The following SSH1 variants were observed in gnomAD, a reference collection of about 807,000 sequenced individuals.
SSH1 encodes slingshot protein phosphatase 1, also known as protein phosphatase Slingshot homolog 1.
Under a neutral mutation model 79.7 loss-of-function variants are expected in SSH1, and 43 were observed. That is an observed-to-expected ratio of 0.54 (90% confidence interval 0.42 to 0.70). The LOEUF (loss-of-function observed/expected upper bound fraction) is 0.70, where lower values mean the gene tolerates loss of function less well. SSH1 is among the 30% of genes least tolerant of loss of function. The pLI, the probability that SSH1 is intolerant of heterozygous loss-of-function variation, is 0.00. For missense variants in SSH1, 1,206 were observed against 1,358.8 expected (o/e 0.89, Z 1.77); for synonymous variants, 599 against 538.3 (o/e 1.11, Z -1.56).
At position 108,782,977 on chromosome 12, in the gene SSH1, T is replaced by G. The variant is rs2036171412; in HGVS notation, c.*5011A>C. On this transcript the variant is annotated 3_prime_UTR_variant, in exon 15 of 15. Coordinates refer to ENST00000326495, the MANE Select transcript of SSH1 (RefSeq NM_018984.4). The stretch of plus-strand genomic sequence containing the variant: ...ATTGGGGAAGGGACAGGGATTGGTC[T>G]GTACCTACATTTTGTTGCAAAAGAG... 6.6e-6 allele frequency: 1 copy of G among 152,222 alleles called. No homozygotes were observed. Among genetic ancestry groups the G allele is most frequent in the Non-Finnish European group, 1.5e-5 (1 of 68,046 alleles). The allele number at this position is 152,222 out of a possible 1,614,324, so 9.4% of individuals were successfully genotyped here. A position where few individuals can be genotyped will look rare whatever the true frequency, so the allele number is the denominator to read the frequency against.
In SSH1 at chr12:108,820,113, A is replaced by T. The variant is rs181039547; in HGVS notation, c.215-1800T>A. Among the ~76,000 whole-genome samples the T allele has an allele frequency of 2.2e-4, 34 of 152,148 alleles. No homozygotes were observed. In the East Asian group the frequency reaches 5.0e-3, roughly 23 times the overall value. ...GGCTGGTCTCGAACTCCTGGACTCA[A>T]ATGATCCTCTCACCTCAGCCTCCCA... On this transcript the variant is annotated intron_variant, in intron 3 of 14. Coordinates refer to ENST00000326495, the MANE Select transcript of SSH1 (RefSeq NM_018984.4).
rs950107551 is a variant in SSH1, at chr12:108,778,357, C to T, written c.*9631G>A. The T allele has an allele frequency of 6.6e-6, 1 of 152,166 alleles. No homozygotes were observed. The highest frequency in any genetic ancestry group is 3.2e-3 in the Middle Eastern group (1 of 316). The allele number at this position is 152,166 out of a possible 1,614,324, so 9.4% of individuals were successfully genotyped here. A position where few individuals can be genotyped will look rare whatever the true frequency, so the allele number is the denominator to read the frequency against. On this transcript the variant is annotated 3_prime_UTR_variant, in exon 15 of 15. Transcript: ENST00000326495. Reference sequence around the variant, plus strand: ...CATCTACTGCCCTCTAAGCATTGCACACATGCATTAGGGACTATTTTCCTT... The same window carrying T: ...CATCTACTGCCCTCTAAGCATTGCATACATGCATTAGGGACTATTTTCCTT...
intron 5 of SSH1, among the ~76,000 whole-genome samples, chr12:108,814,181 G>C (rs1216415279): frequency 6.6e-6 from 1 of 151,540 alleles, no homozygotes; most frequent in Non-Finnish European, 1.5e-5. Context: ...CCAAGATCGT[G>C]CCACTACACT....
chr12:108,790,157 T>TG (rs1022814470), intron 14 of SSH1, among the ~76,000 whole-genome samples: 3 of 151,444 alleles, frequency 2.0e-5, no homozygotes, highest in Non-Finnish European at 3.0e-5. Flanking sequence ...CTTCCAGTTT[T>TG]TTTTTTTTTT....
At chr12:108,841,228 A>C (rs2038769359) in intron 2 of SSH1, among the ~76,000 whole-genome samples, 1 of 152,210 alleles carries the variant, frequency 6.6e-6, no homozygotes, top group Non-Finnish European at 1.5e-5. Flanking sequence ...AACGCTGGTA[A>C]CACTGCTACC....
intron 2 of SSH1, among the ~76,000 whole-genome samples, chr12:108,836,326 C>CA (rs1300813537): frequency 2.0e-5 from 3 of 152,224 alleles, no homozygotes; most frequent in Admixed American, 1.3e-4. Context: ...CTGTGGTTAG[C>CA]AACACCCCAA....
At chr12:108,812,632 C>T (rs905159911) in intron 5 of SSH1, among the ~76,000 whole-genome samples, 1 of 152,204 alleles carries the variant, frequency 6.6e-6, no homozygotes, top group South Asian at 2.1e-4. Flanking sequence ...GCCCCTAGGC[C>T]GGCCTCCCTT....
chr12:108,813,997 G>A (rs773359577), intron 5 of SSH1, among the ~76,000 whole-genome samples: 4 of 152,150 alleles, frequency 2.6e-5, no homozygotes, highest in Non-Finnish European at 5.9e-5. Context: ...GCCGAGGAGG[G>A]TGGATCACTT....
rs1162273520 is a variant in SSH1 at position 108,812,439 on chromosome 12, C to T, written c.402-1111G>A. 3.9e-5 allele frequency among the ~76,000 whole-genome samples: 6 copies of T among 152,218 alleles called. No homozygotes were observed. In the East Asian group the frequency reaches 1.2e-3, roughly 29 times the overall value. ...AGACCCAACCTGAGCCCTGACAACC[C>T]TCACCAGGAACTCATAAGGAGGTGG... is the stretch of plus-strand genomic sequence containing the variant. On this transcript the variant is annotated intron_variant, in intron 5 of 14. Transcript: ENST00000326495.
At position 108,788,105 on chromosome 12, in the gene SSH1, TTCAC is replaced by T; in HGVS notation, c.3029_3032del (p.Ser1010AsnfsTer30). The stretch of plus-strand genomic sequence containing the variant: ...CCTGGGGCTCATGCAAGAAGGAAGA[TTCAC>T]TCAAAGTGGTGTCCTGGGAGTCAGC... On this transcript the variant is annotated frameshift_variant, in exon 15 of 15. Coordinates refer to ENST00000326495, the MANE Select transcript of SSH1 (RefSeq NM_018984.4). LOFTEE classifies it low-confidence loss of function (END_TRUNC). 6.2e-7 allele frequency: 1 copy of T among 1,614,006 alleles called. No homozygotes were observed. Among genetic ancestry groups the T allele is most frequent in the Non-Finnish European group, 8.5e-7 (1 of 1,180,014 alleles).
chr12:108,839,730 A>G (rs114740456), intron 2 of SSH1, among the ~76,000 whole-genome samples: 3,358 of 152,316 alleles, frequency 0.022, 134 homozygotes, highest in African/African-American at 0.077. Flanking sequence ...CAAGAATGAT[A>G]TTTCCCAGAT....
At chr12:108,835,923 T>C (rs2038600480) in intron 2 of SSH1, among the ~76,000 whole-genome samples, 1 of 146,312 alleles carries the variant, frequency 6.8e-6, no homozygotes, top group African/African-American at 2.5e-5. Flanking sequence ...ATAACTATAT[T>C]AATATAATCA....
chr12:108,834,811 A>C (rs1256825905), intron 2 of SSH1, among the ~76,000 whole-genome samples: 2 of 152,096 alleles, frequency 1.3e-5, no homozygotes, highest in Non-Finnish European at 2.9e-5. Flanking sequence ...TGCTTTTTAA[A>C]TCTCCCTCTG....
At chr12:108,843,716 GC>G (rs2038831792) in intron 2 of SSH1, among the ~76,000 whole-genome samples, 1 of 152,178 alleles carries the variant, frequency 6.6e-6, no homozygotes, top group South Asian at 2.1e-4. Flanking sequence ...TGTATTTTTA[GC>G]AGAGACAGGG....
chr12:108,789,306 ATGAGGG>A, intron 14 of SSH1, 62 bp from the exon 15 acceptor site: 1 of 1,528,712 alleles, frequency 6.5e-7, no homozygotes, highest in Non-Finnish European at 8.9e-7. Context: ...GACCAAAAAC[ATGAGGG>A]TGGGCAGGGA....
At chr12:108,801,449 G>A (rs917066919) in intron 11 of SSH1, among the ~76,000 whole-genome samples, 2 of 152,072 alleles carry the variant, frequency 1.3e-5, no homozygotes, top group Admixed American at 1.3e-4. Context: ...TTTACTTCTG[G>A]AAGAAAATAA....
intron 2 of SSH1, among the ~76,000 whole-genome samples, chr12:108,845,710 T>C (rs150133533): frequency 2.8e-4 from 43 of 152,256 alleles, no homozygotes; most frequent in Middle Eastern, 3.4e-3. Flanking sequence ...AATAAACATA[T>C]ATTGTTTAAC....
At chr12:108,811,689 G>A (rs557956170) in intron 5 of SSH1, 65 of 382,184 alleles carry the variant, frequency 1.7e-4, no homozygotes, top group South Asian at 1.2e-3. Context: ...CCTGGGTGGC[G>A]GCAGGGGGAG....
intron 2 of SSH1, chr12:108,825,975 T>C (rs2038293855): frequency 2.6e-6 from 1 of 378,802 alleles, no homozygotes; most frequent in Non-Finnish European, 5.1e-6. Context: ...CTGAAACAGC[T>C]ATGCGAGAGG....
Sources: gnomAD v4.1 joint callset for allele counts (sites outside exome capture counted in the v4.1 genomes callset) on GRCh38, gnomAD v4.1.1 for gene constraint, MANE v1.5 for transcripts, NCBI Gene and HGNC (gene_info 2026-07-23, HGNC 2026-07-21) for gene names.